Variants in ETV6 observed in about 807,000 individuals in gnomAD.
ETV6 encodes transcription factor ETV6.
A neutral mutation model predicts 51.1 loss-of-function variants in ETV6; 16 were observed. The ratio of observed to expected loss-of-function variants is 0.31; its 90% CI spans 0.21 to 0.48. The LOEUF (loss-of-function observed/expected upper bound fraction) is 0.48. Among genes scored for constraint, ETV6 ranks in the 20% least tolerant of loss-of-function variants. The probability of loss-of-function intolerance (pLI) is 0.99; values close to 1 mark genes in which losing one functional copy is unlikely to be tolerated. For missense variants in ETV6, 458 were observed against 594.8 expected, an observed-to-expected ratio of 0.77 and a Z score of 2.39; for synonymous variants, 240 against 224.1, an observed-to-expected ratio of 1.07 and a Z score of -0.64.
chr12:11,772,261 A>G (rs1945251868), intron 2 of ETV6, among the ~76,000 whole-genome samples: 1 of 152,244 alleles, frequency 6.6e-6, no homozygotes, highest in South Asian at 2.1e-4. Flanking sequence ...ATTAGTTTGC[A>G]GAAAGACTCA....
At chr12:11,870,525 T>C (rs1366683110) in intron 5 of ETV6, among the ~76,000 whole-genome samples, 1 of 152,166 alleles carries the variant, frequency 6.6e-6, no homozygotes, top group East Asian at 1.9e-4. Context: ...AGCCCAAATT[T>C]GCTTACTTAA....
At chr12:11,696,183 C>G (rs988920683) in intron 1 of ETV6, among the ~76,000 whole-genome samples, 1 of 152,070 alleles carries the variant, frequency 6.6e-6, no homozygotes, top group African/African-American at 2.4e-5. Context: ...TTTCTTTTTT[C>G]TGTATAGCAC....
In ETV6 at chr12:11,733,605, A is replaced by C. The variant is rs184085744; in HGVS notation, c.34-18845A>C. On this transcript the variant is annotated intron_variant, in intron 1 of 7. Coordinates refer to ENST00000396373, the MANE Select transcript of ETV6 (RefSeq NM_001987.5). ...GTGGGTGCTGATGAAATATCACAAC[A>C]GGTTCTCATTCTGACAACTCACACT... 5.4e-3 allele frequency among the ~76,000 whole-genome samples: 818 copies of C among 152,198 alleles called. 2 individuals carry two copies. The highest frequency in any genetic ancestry group is 0.017 in the Middle Eastern group (5 of 294).
intron 1 of ETV6, among the ~76,000 whole-genome samples, chr12:11,752,030 T>C (rs1866039931): frequency 6.6e-6 from 1 of 152,236 alleles, no homozygotes; most frequent in African/African-American, 2.4e-5. Context: ...AAGCTGGGGA[T>C]ATTGCTACAG....
At position 11,892,140 on chromosome 12, in the gene ETV6, G is replaced by A. The variant is rs1454046627; in HGVS notation, c.*1094G>A. 4.3e-6 allele frequency: 1 copy of A among 230,794 alleles called. No individual in the cohort carries two copies. The highest frequency in any genetic ancestry group is 1.8e-4 in the South Asian group (1 of 5,488). The allele number at this position is 230,794 out of a possible 1,614,324, so 14.3% of individuals were successfully genotyped here. A position where few individuals can be genotyped will look rare whatever the true frequency, so the allele number is the denominator to read the frequency against. ...TTTCCAAAGCAGGTAACAGAGGCTA[G>A]TGAGAAAGAAAAGCTCCTCTCTGCT... On this transcript the variant is annotated 3_prime_UTR_variant, in exon 8 of 8. Transcript: ENST00000396373.
At chr12:11,835,034 G>A (rs1946295189) in intron 2 of ETV6, among the ~76,000 whole-genome samples, 1 of 152,176 alleles carries the variant, frequency 6.6e-6, no homozygotes, top group South Asian at 2.1e-4. Context: ...CTGAAACAGG[G>A]TCAAAATGTA....
intron 5 of ETV6, among the ~76,000 whole-genome samples, chr12:11,877,394 T>C (rs1241751701): frequency 1.3e-5 from 2 of 151,972 alleles, no homozygotes; most frequent in African/African-American, 2.4e-5. Flanking sequence ...AGGGATTGCA[T>C]GAAAGTGCTG....
chr12:11,769,222 T>C (rs940087566), intron 2 of ETV6, among the ~76,000 whole-genome samples: 8 of 152,214 alleles, frequency 5.3e-5, no homozygotes, highest in Non-Finnish European at 1.0e-4. Flanking sequence ...AAGCTTTTAG[T>C]GTATGTCCTA....
At chr12:11,712,667 T>A (rs1458696781) in intron 1 of ETV6, among the ~76,000 whole-genome samples, 1 of 152,142 alleles carries the variant, frequency 6.6e-6, no homozygotes, top group Non-Finnish European at 1.5e-5. Flanking sequence ...CAAGTTTTTT[T>A]CTCTTAAGGC....
intron 2 of ETV6, among the ~76,000 whole-genome samples, chr12:11,815,048 T>A (rs1185800456): frequency 1.3e-5 from 2 of 152,124 alleles, no homozygotes; most frequent in Non-Finnish European, 2.9e-5. Context: ...GCACCCCACT[T>A]TCCTGTGGTT....
intron 4 of ETV6, among the ~76,000 whole-genome samples, chr12:11,861,658 A>G (rs564587160): frequency 1.8e-4 from 27 of 152,258 alleles, no homozygotes; most frequent in African/African-American, 5.8e-4. Context: ...GAAGTCTCCA[A>G]GAGACTTCCT....
At chr12:11,722,544 G>A (rs1047582950) in intron 1 of ETV6, among the ~76,000 whole-genome samples, 3 of 152,156 alleles carry the variant, frequency 2.0e-5, no homozygotes, top group Admixed American at 6.5e-5. Context: ...ATGTTCAGAC[G>A]TTATGAAGGA....
At chr12:11,751,019 C>A (rs1866015564) in intron 1 of ETV6, among the ~76,000 whole-genome samples, 2 of 152,154 alleles carry the variant, frequency 1.3e-5, no homozygotes, top group South Asian at 4.2e-4. Context: ...AAGAAATTCA[C>A]CAAGAAACCT....
At chr12:11,789,855 T>G (rs554932520) in intron 2 of ETV6, among the ~76,000 whole-genome samples, 1 of 152,294 alleles carries the variant, frequency 6.6e-6, no homozygotes, top group African/African-American at 2.4e-5. Context: ...TGGAAGCATT[T>G]TTTTATTCCC....
intron 1 of ETV6, among the ~76,000 whole-genome samples, chr12:11,731,026 A>G (rs957643364): frequency 6.6e-6 from 1 of 152,210 alleles, no homozygotes; most frequent in African/African-American, 2.4e-5. Context: ...TTGGTGACCC[A>G]GAACAGGTGA....
At chr12:11,763,263 G>A (rs376010555) in intron 2 of ETV6, among the ~76,000 whole-genome samples, 10 of 152,194 alleles carry the variant, frequency 6.6e-5, no homozygotes, top group African/African-American at 2.2e-4. Context: ...CGCAGTTCTC[G>A]TTCCCCTATT....
At chr12:11,757,626 G>A (rs2121091324) in intron 2 of ETV6, among the ~76,000 whole-genome samples, 1 of 152,364 alleles carries the variant, frequency 6.6e-6, no homozygotes, top group East Asian at 1.9e-4. Flanking sequence ...CACAGCATGT[G>A]AAAGGCCGAA....
chr12:11,840,667 C>T (rs1283264202), intron 3 of ETV6: 6 of 333,206 alleles, frequency 1.8e-5, no homozygotes, highest in South Asian at 4.6e-5. Flanking sequence ...TGCCACAGAC[C>T]GTTTATATGA....
intron 3 of ETV6, among the ~76,000 whole-genome samples, chr12:11,844,994 G>A (rs930346868): frequency 8.5e-5 from 13 of 152,276 alleles, no homozygotes; most frequent in African/African-American, 3.1e-4. Context: ...ACAACACCCA[G>A]CTAATTTTTG....
Sources: allele counts gnomAD v4.1 joint callset (sites outside exome capture counted in the v4.1 genomes callset), GRCh38; gene constraint gnomAD v4.1.1; transcripts MANE v1.5; gene names NCBI Gene and HGNC (gene_info 2026-07-23, HGNC 2026-07-21).